The following NDUFS4 variants were observed in gnomAD, a reference collection of about 807,000 sequenced individuals.
NDUFS4 encodes the protein NADH dehydrogenase [ubiquinone] iron-sulfur protein 4, mitochondrial.
Under a neutral mutation model 24.3 loss-of-function variants are expected in NDUFS4, and 28 were observed. The ratio of observed to expected loss-of-function variants is 1.15; its 90% CI spans 0.85 to 1.58. The LOEUF (loss-of-function observed/expected upper bound fraction) is 1.58, where lower values mean the gene tolerates loss of function less well. Among genes scored for constraint, NDUFS4 ranks in the 40% most tolerant of loss-of-function variants. The probability of loss-of-function intolerance (pLI) is 0.00; values close to 1 mark genes in which losing one functional copy is unlikely to be tolerated. For missense variants in NDUFS4, 223 were observed against 207.9 expected (o/e 1.07, Z -0.45); for synonymous variants, 93 against 69.7 (o/e 1.34, Z -1.67).
chr5:53,604,330 A>G (rs1350359740), intron 2 of NDUFS4, among the ~76,000 whole-genome samples: 1 of 152,232 alleles, frequency 6.6e-6, no homozygotes, highest in Non-Finnish European at 1.5e-5. Context: ...CAATCTAAGT[A>G]ATAGGTCACA....
At chr5:53,587,320 C>T (rs1749793465) in intron 1 of NDUFS4, among the ~76,000 whole-genome samples, 1 of 151,994 alleles carries the variant, frequency 6.6e-6, no homozygotes, top group Middle Eastern at 3.2e-3. Flanking sequence ...TTTCATGTTG[C>T]TTTCAATTTT....
rs141354354 is a variant in NDUFS4 at position 53,613,602 on chromosome 5, G to GTT, written c.177+10084_177+10085dup. 8.6e-3 allele frequency among the ~76,000 whole-genome samples: 1,150 copies of GTT among 132,964 alleles called. 15 individuals are homozygous for GTT. Among genetic ancestry groups the GTT allele is most frequent in the African/African-American group, 0.028 (1,027 of 37,272 alleles). 87.2% of individuals were successfully genotyped at this position (132,964 alleles called of 152,430 possible). A position where few individuals can be genotyped will look rare whatever the true frequency, so the allele number is the denominator to read the frequency against. ...AAATTTTGTTTTAAAAGCAACTATA[G>GTT]TTTTTTTTTTTTTACAATGTATTTC... On this transcript the variant is annotated intron_variant, in intron 2 of 4. Transcript: ENST00000296684.
intron 1 of NDUFS4, among the ~76,000 whole-genome samples, chr5:53,590,710 T>C (rs1011117994): frequency 7.2e-5 from 11 of 152,240 alleles, no homozygotes; most frequent in Non-Finnish European, 2.9e-5. Flanking sequence ...GTGTCTTTAT[T>C]GGTGTTGTAA....
At chr5:53,594,872 T>TG (rs1750084814) in intron 1 of NDUFS4, among the ~76,000 whole-genome samples, 1 of 148,426 alleles carries the variant, frequency 6.7e-6, no homozygotes, top group Admixed American at 6.7e-5. Context: ...ATGTCTGTGT[T>TG]TGTGTGTGTG....
chr5:53,658,644 G>C lies in NDUFS4; in HGVS notation c.424+20G>C. 1 of 1,498,478 alleles carries C rather than the reference G, an allele frequency of 6.7e-7. No individual in the cohort carries two copies. The allele number at this position is 1,498,478 out of a possible 1,614,324, so 92.8% of individuals were successfully genotyped here. The stretch of plus-strand genomic sequence containing the variant: ...AAAATGGTATGTTTGGTCTGTTTTT[G>C]ACAAAGTCAAGATAATGATTTTATG... On this transcript the variant is annotated intron_variant, in intron 4 of 4. Transcript: ENST00000296684.
At chr5:53,618,624 T>A (rs1579880051) in intron 2 of NDUFS4, among the ~76,000 whole-genome samples, 1 of 152,188 alleles carries the variant, frequency 6.6e-6, no homozygotes, top group African/African-American at 2.4e-5. Context: ...TATCTCTCAA[T>A]ATACAGTTTC....
intron 1 of NDUFS4, among the ~76,000 whole-genome samples, chr5:53,565,623 T>C (rs901938125): frequency 6.6e-6 from 1 of 152,248 alleles, no homozygotes; most frequent in Non-Finnish European, 1.5e-5. Flanking sequence ...TTTATAAATA[T>C]GAAGATAAAC....
At chr5:53,573,672 C>G (rs1005510743) in intron 1 of NDUFS4, 1 of 421,666 alleles carries the variant, frequency 2.4e-6, no homozygotes, top group East Asian at 7.8e-5. Context: ...CACTACATCC[C>G]TGAGCTCCTG....
chr5:53,572,989 A>G, intron 1 of NDUFS4, among the ~76,000 whole-genome samples: 1 of 128,922 alleles, frequency 7.8e-6, no homozygotes, highest in Non-Finnish European at 1.6e-5. Context: ...TTTTTTTAAG[A>G]GACCAGGTCT....
chr5:53,627,316 A>T lies in NDUFS4; in HGVS notation c.178-18917A>T, dbSNP rs1455517117. On this transcript the variant is annotated intron_variant, in intron 2 of 4. Transcript: ENST00000296684. ...GTATAGTTAAAAGTCAGGTAGCATGATACCTCTAGCTTTGTTCTTTTTGCT... is the reference window on the plus strand; with the variant it reads ...GTATAGTTAAAAGTCAGGTAGCATGTTACCTCTAGCTTTGTTCTTTTTGCT... 2.0e-5 allele frequency among the ~76,000 whole-genome samples: 3 copies of T among 152,292 alleles called. No individual in the cohort carries two copies. The South Asian group carries it at 6.2e-4, about 32-fold the overall frequency.
intron 4 of NDUFS4, among the ~76,000 whole-genome samples, chr5:53,681,216 C>T (rs1191603332): frequency 6.6e-6 from 1 of 152,150 alleles, no homozygotes; most frequent in Admixed American, 6.6e-5. Flanking sequence ...AGAATCTGGC[C>T]GTCTGTGTTT....
intron 1 of NDUFS4, among the ~76,000 whole-genome samples, chr5:53,578,797 A>T (rs925226714): frequency 6.6e-6 from 1 of 151,094 alleles, no homozygotes. Context: ...CTCCCTCTCT[A>T]CTTTTCTTAC....
intron 1 of NDUFS4, 102 bp downstream of exon 1, chr5:53,560,862 T>C: frequency 6.3e-7 from 1 of 1,581,302 alleles, no homozygotes; most frequent in Non-Finnish European, 8.6e-7. Context: ...GAAGGCGTCC[T>C]CTGTTGACCC....
intron 1 of NDUFS4, among the ~76,000 whole-genome samples, chr5:53,598,428 G>A (rs1012276224): frequency 6.6e-6 from 1 of 152,180 alleles, no homozygotes; most frequent in Admixed American, 6.5e-5. Context: ...GGTGATTCTT[G>A]CATAGGATTT....
chr5:53,566,993 C>T (rs548867457), intron 1 of NDUFS4, among the ~76,000 whole-genome samples: 53 of 151,812 alleles, frequency 3.5e-4, no homozygotes, highest in Admixed American at 1.6e-3. Flanking sequence ...GGATTACAGG[C>T]GCGCACCACC....
chr5:53,632,781 A>C (rs542071872), intron 2 of NDUFS4, among the ~76,000 whole-genome samples: 14 of 152,118 alleles, frequency 9.2e-5, no homozygotes, highest in Non-Finnish European at 1.9e-4. Context: ...TAACTTTCCT[A>C]GTTTTATAGT....
At chr5:53,625,399 T>A (rs1453347931) in intron 2 of NDUFS4, among the ~76,000 whole-genome samples, 1 of 152,192 alleles carries the variant, frequency 6.6e-6, no homozygotes, top group East Asian at 1.9e-4. Context: ...GAATTTTTGA[T>A]TAGTATTCTT....
At chr5:53,574,174 A>G (rs1475344270) in intron 1 of NDUFS4, among the ~76,000 whole-genome samples, 1 of 152,198 alleles carries the variant, frequency 6.6e-6, no homozygotes, top group African/African-American at 2.4e-5. Flanking sequence ...ATCTTAAGGG[A>G]AAGCATTCAG....
intron 1 of NDUFS4, among the ~76,000 whole-genome samples, chr5:53,571,995 A>G (rs1419375049): frequency 6.6e-6 from 1 of 152,240 alleles, no homozygotes; most frequent in Non-Finnish European, 1.5e-5. Context: ...AACTAAAGAC[A>G]GATGAAGAAG....
Sources: gnomAD v4.1 joint callset for allele counts (sites outside exome capture counted in the v4.1 genomes callset) on GRCh38, gnomAD v4.1.1 for gene constraint, MANE v1.5 for transcripts, NCBI Gene and HGNC (gene_info 2026-07-23, HGNC 2026-07-21) for gene names.